The following SKAP1 variants were observed in gnomAD, a reference collection of about 807,000 sequenced individuals.
SKAP1 encodes src kinase associated phosphoprotein 1.
In SKAP1, 44 loss-of-function variants were observed where a neutral mutation model predicts 58.5. The ratio of observed to expected loss-of-function variants is 0.75; its 90% CI spans 0.59 to 0.97. The LOEUF (loss-of-function observed/expected upper bound fraction) is 0.97, where lower values mean the gene tolerates loss of function less well. Among genes scored for constraint, SKAP1 ranks in the 50% least tolerant of loss-of-function variants. The pLI is 0.00. For synonymous variants in SKAP1, 127 were observed against 149.7 expected, an observed-to-expected ratio of 0.85 and a Z score of 1.11; for missense variants, 390 against 435.2, an observed-to-expected ratio of 0.90 and a Z score of 0.92.
intron 4 of SKAP1, among the ~76,000 whole-genome samples, chr17:48,314,767 G>A (rs965574177): frequency 5.3e-5 from 8 of 152,054 alleles, no homozygotes; most frequent in African/African-American, 7.2e-5. Flanking sequence ...AAAAAAATCC[G>A]AGGAATACTT....
intron 9 of SKAP1, among the ~76,000 whole-genome samples, chr17:48,176,153 T>C (rs1002330): frequency 0.56 from 84,928 of 152,038 alleles, 24,706 homozygotes; most frequent in East Asian, 0.77. Flanking sequence ...GTTTCTAGGT[T>C]TATAATAACA....
chr17:48,232,136 T>C (rs2143784934), intron 4 of SKAP1, among the ~76,000 whole-genome samples: 1 of 152,362 alleles, frequency 6.6e-6, no homozygotes, highest in South Asian at 2.1e-4. Context: ...AAAACTGCTA[T>C]TGTAGGCCAG....
intron 4 of SKAP1, among the ~76,000 whole-genome samples, chr17:48,251,012 A>G (rs2065357774): frequency 1.3e-5 from 2 of 152,232 alleles, no homozygotes; most frequent in African/African-American, 4.8e-5. Flanking sequence ...CCTGCTTAAA[A>G]TGAGAGCTTT....
At chr17:48,323,215 A>AAT (rs1218652655) in intron 4 of SKAP1, among the ~76,000 whole-genome samples, 1 of 151,950 alleles carries the variant, frequency 6.6e-6, no homozygotes, top group Non-Finnish European at 1.5e-5. Context: ...AGTAAAAAAA[A>AAT]AAAAAGCAAG....
chr17:48,294,706 T>C (rs2065942199), intron 4 of SKAP1, among the ~76,000 whole-genome samples: 1 of 152,206 alleles, frequency 6.6e-6, no homozygotes, highest in African/African-American at 2.4e-5. Context: ...ACATGACCTA[T>C]ATAGTATAGT....
chr17:48,190,352 T>G (rs2064524131), intron 4 of SKAP1, among the ~76,000 whole-genome samples: 1 of 151,976 alleles, frequency 6.6e-6, no homozygotes, highest in Admixed American at 6.6e-5. Flanking sequence ...GACCTCGTGA[T>G]CCGTCCACGT....
At chr17:48,228,437 T>C (rs1208439625) in intron 4 of SKAP1, among the ~76,000 whole-genome samples, 1 of 152,224 alleles carries the variant, frequency 6.6e-6, no homozygotes, top group Non-Finnish European at 1.5e-5. Flanking sequence ...ATAGGTTGGT[T>C]TCTGCTTTTG....
intron 1 of SKAP1, among the ~76,000 whole-genome samples, chr17:48,421,010 T>C (rs2067786810): frequency 2.0e-5 from 3 of 152,128 alleles, no homozygotes; most frequent in African/African-American, 7.2e-5. Context: ...ACAGCATGCA[T>C]AGCAGCAGGG....
intron 4 of SKAP1, among the ~76,000 whole-genome samples, chr17:48,249,823 A>G (rs2065341570): frequency 6.6e-6 from 1 of 152,166 alleles, no homozygotes; most frequent in South Asian, 2.1e-4. Flanking sequence ...CATATTGCCT[A>G]TCTGGGAGGG....
intron 4 of SKAP1, among the ~76,000 whole-genome samples, chr17:48,294,928 T>C (rs6504158): frequency 0.33 from 50,072 of 152,084 alleles, 8,966 homozygotes; most frequent in African/African-American, 0.47. Context: ...TGACACATGG[T>C]AAGGGTATAT....
At chr17:48,171,684 C>T (rs2064218788) in intron 9 of SKAP1, among the ~76,000 whole-genome samples, 1 of 151,928 alleles carries the variant, frequency 6.6e-6, no homozygotes, top group Non-Finnish European at 1.5e-5. Flanking sequence ...ATTATTATCT[C>T]TATGCAAGCA....
intron 2 of SKAP1, among the ~76,000 whole-genome samples, chr17:48,389,487 G>C (rs974095121): frequency 2.6e-5 from 4 of 152,226 alleles, no homozygotes; most frequent in Admixed American, 2.6e-4. Flanking sequence ...AAATATTCCT[G>C]TTGCCAAGGA....
intron 4 of SKAP1, among the ~76,000 whole-genome samples, chr17:48,341,721 C>CT (rs1404294462): frequency 6.6e-6 from 1 of 152,086 alleles, no homozygotes; most frequent in East Asian, 1.9e-4. Flanking sequence ...CAGGTCTTTC[C>CT]TTTTCCAGTT....
intron 11 of SKAP1, among the ~76,000 whole-genome samples, chr17:48,148,480 C>T (rs2063859186): frequency 6.6e-6 from 1 of 152,170 alleles, no homozygotes; most frequent in Admixed American, 6.5e-5. Context: ...ATATGTATTC[C>T]ATAAACTGCG....
At chr17:48,312,925 A>G (rs1168328436) in intron 4 of SKAP1, among the ~76,000 whole-genome samples, 1 of 152,182 alleles carries the variant, frequency 6.6e-6, no homozygotes, top group Non-Finnish European at 1.5e-5. Flanking sequence ...GATCAGTAAC[A>G]AAGCAGAAGA....
chr17:48,167,889 GA>G (rs1484085788), intron 10 of SKAP1, among the ~76,000 whole-genome samples: 1 of 152,180 alleles, frequency 6.6e-6, no homozygotes, highest in East Asian at 1.9e-4. Context: ...AGGGAAAGGT[GA>G]TAAGTTCTCA....
At chr17:48,380,286 G>A (rs993839942) in intron 2 of SKAP1, 5 of 152,256 alleles carry the variant, frequency 3.3e-5, no homozygotes, top group Non-Finnish European at 7.3e-5. Context: ...GAAGCACAGA[G>A]CAGCATATGA....
chr17:48,342,984 CA>C (rs1490680064), intron 4 of SKAP1, among the ~76,000 whole-genome samples: 3 of 150,750 alleles, frequency 2.0e-5, no homozygotes, highest in East Asian at 3.9e-4. Context: ...AACTCTGTCT[CA>C]AAAAAAATAA....
chr17:48,336,452 TTTATGTAGTTTG>T (rs1355598503), intron 4 of SKAP1, among the ~76,000 whole-genome samples: 1 of 152,104 alleles, frequency 6.6e-6, no homozygotes, highest in African/African-American at 2.4e-5. Context: ...AGAACTGAAA[TTTATGTAGTTTG>T]GAAAAGTGAA....
Sources: allele counts gnomAD v4.1 joint callset (sites outside exome capture counted in the v4.1 genomes callset), GRCh38; gene constraint gnomAD v4.1.1; transcripts MANE v1.5; gene names NCBI Gene and HGNC (gene_info 2026-07-23, HGNC 2026-07-21).